The following DIDO1 variants were observed in gnomAD, a reference collection of about 807,000 sequenced individuals.
The protein encoded by DIDO1 is death inducer-obliterator 1.
In DIDO1, 16 loss-of-function variants were observed where a neutral mutation model predicts 99.4. The observed-to-expected ratio is 0.16, with a 90% CI of 0.11 to 0.24. The LOEUF (loss-of-function observed/expected upper bound fraction) is 0.24, where lower values mean the gene tolerates loss of function less well. Ranked by LOEUF, DIDO1 falls within the 10% of genes least tolerant of loss-of-function variation. The pLI is 1.00. For missense variants in DIDO1, 2,996 were observed against 3,014.0 expected, an observed-to-expected ratio of 0.99 and a Z score of 0.14; for synonymous variants, 1,366 against 1,239.1, an observed-to-expected ratio of 1.10 and a Z score of -2.15.
chr20:62,928,038 A>G (rs1423573441), upstream of DIDO1, among the ~76,000 whole-genome samples: 1 of 152,196 alleles, frequency 6.6e-6, no homozygotes, highest in African/African-American at 2.4e-5. Flanking sequence ...GCCCAGGTGA[A>G]GACCACATGA....
Position 62,882,081 on chromosome 20 carries a change from G to A in DIDO1, c.3875C>T (p.Thr1292Ile), listed in dbSNP as rs2064217565. 6.2e-7 allele frequency: 1 copy of A among 1,601,144 alleles called. No homozygotes were observed. The highest frequency in any genetic ancestry group is 1.7e-4 in the Middle Eastern group (1 of 5,946). Residue 1292 changes from threonine (T) to isoleucine (I), a missense_variant, in exon 16 of 16, where the codon ACA (threonine) becomes ATA (isoleucine). By Grantham distance (89) the Thr-to-Ile change is moderately conservative. Transcript: ENST00000395343. ...AGCTGCCGTGGAGGCTGCCGCTGCTGTTGTGGCTGCTGTGGCTGGGCTGGG... is the reference window on the plus strand; with the variant it reads ...AGCTGCCGTGGAGGCTGCCGCTGCTATTGTGGCTGCTGTGGCTGGGCTGGG... ...AAPSPATAAT[T>I]AAAASTAASS...
At chr20:62,920,111 G>A (rs2065108808) in intron 1 of DIDO1, among the ~76,000 whole-genome samples, 1 of 152,170 alleles carries the variant, frequency 6.6e-6, no homozygotes. Context: ...GGGCCCTGGT[G>A]AGGACCACAA....
At chr20:62,936,285 G>A (rs938695923) in intron 1 of DIDO1, among the ~76,000 whole-genome samples, 2 of 152,164 alleles carry the variant, frequency 1.3e-5, no homozygotes, top group African/African-American at 4.8e-5. Flanking sequence ...CGGATGCGGT[G>A]GCTCATGACT....
At chr20:62,917,877 T>C (rs750231256) in intron 1 of DIDO1, among the ~76,000 whole-genome samples, 46 of 152,224 alleles carry the variant, frequency 3.0e-4, no homozygotes, top group Admixed American at 1.2e-3. Context: ...ACTATTATTA[T>C]GCAGAAGTCA....
chr20:62,917,202 A>AT (rs113599896), intron 1 of DIDO1, among the ~76,000 whole-genome samples: 1,880 of 150,166 alleles, frequency 0.013, 37 homozygotes, highest in African/African-American at 0.043. Context: ...TAATTTTTGC[A>AT]TTTTTTTTTG....
chr20:62,930,584 A>G (rs2065323580), upstream of DIDO1, among the ~76,000 whole-genome samples: 1 of 152,244 alleles, frequency 6.6e-6, no homozygotes, highest in South Asian at 2.1e-4. Context: ...ACAAAAGAAT[A>G]AATGTGAAAT....
upstream of DIDO1, among the ~76,000 whole-genome samples, chr20:62,930,238 A>G (rs956208335): frequency 6.6e-6 from 1 of 151,870 alleles, no homozygotes; most frequent in African/African-American, 2.4e-5. Flanking sequence ...AAAAACACAG[A>G]TCTTTGTCTA....
chr20:62,887,122 T>A, intron 15 of DIDO1: 1 of 985,500 alleles, frequency 1.0e-6, no homozygotes, highest in Non-Finnish European at 1.2e-6. Context: ...CACACTAGGG[T>A]GCACTGCGCT....
intron 1 of DIDO1, among the ~76,000 whole-genome samples, chr20:62,923,605 C>T (rs1227318333): frequency 1.3e-5 from 2 of 152,236 alleles, no homozygotes; most frequent in Admixed American, 6.5e-5. Context: ...TTCACTAGTG[C>T]AAAACAGCTG....
At chr20:62,928,530 ACTATTCCTGGGAGCT>A (rs1238110092), upstream of DIDO1, 83 of 152,334 alleles carry the variant, frequency 5.4e-4, no homozygotes, top group African/African-American at 1.9e-3. Flanking sequence ...ACCTGCCGTC[ACTATTCCTGGGAGCT>A]GCCCTCCCTG....
At chr20:62,901,697 A>G (rs1321912751) in intron 6 of DIDO1, among the ~76,000 whole-genome samples, 1 of 152,130 alleles carries the variant, frequency 6.6e-6, no homozygotes, top group Non-Finnish European at 1.5e-5. Flanking sequence ...GTTTGCGGCA[A>G]ATGAAAGTTG....
chr20:62,907,318 C>T lies in DIDO1; in HGVS notation c.1203G>A (p.Gly401=), dbSNP rs751910249. 2 of 1,614,096 alleles carry T rather than the reference C, an allele frequency of 1.2e-6. No homozygotes were observed. Among genetic ancestry groups the T allele is most frequent in the Non-Finnish European group, 1.7e-6 (2 of 1,180,064 alleles). Residue 401 remains glycine, a synonymous_variant, in exon 5 of 16, where the codon GGG becomes GGA. Coordinates refer to ENST00000395343, the MANE Select transcript of DIDO1 (RefSeq NM_001193369.2). ...APGASKCIGP[G]CCHVAQPDSV... ...AGTCGGGCTGCGCCACGTGACAGCA[C>T]CCGGGGCCAATACATTTTGAGGCAC...
At chr20:62,889,997 G>A in intron 15 of DIDO1, 1 of 985,528 alleles carries the variant, frequency 1.0e-6, no homozygotes, top group Non-Finnish European at 1.2e-6. Flanking sequence ...CCCAAGATGT[G>A]GAGTGGCCCC....
Position 62,880,878 on chromosome 20 carries a change from T to C in DIDO1, c.5078A>G (p.Lys1693Arg), listed in dbSNP as rs2064189693. 6.2e-6 allele frequency: 10 copies of C among 1,612,332 alleles called. No individual in the cohort carries two copies. Among genetic ancestry groups the C allele is most frequent in the Middle Eastern group, 1.6e-4 (1 of 6,084 alleles). Reference sequence around the variant, plus strand: ...CTCATACTGGGCTGAGCCGAGAGCCTTGTCCTGCGACGCGAACCCCGGGCA... The same window carrying C: ...CTCATACTGGGCTGAGCCGAGAGCCCTGTCCTGCGACGCGAACCCCGGGCA... ...FTCPGFASQD[K>R]ALGSAQYEDP... The change falls in exon 16 of 16, where the codon AAG (lysine) becomes AGG (arginine). Residue 1693 changes from lysine (K) to arginine (R), a missense_variant. Physicochemically the swap from Lys to Arg is conservative, Grantham distance 26. Coordinates refer to ENST00000395343, the MANE Select transcript of DIDO1 (RefSeq NM_001193369.2).
Position 62,911,262 on chromosome 20 carries a change from G to T in DIDO1, c.351C>A (p.Ser117Arg). Residue 117 changes from serine (S) to arginine (R), a missense_variant, in exon 3 of 16, where the codon AGC (serine) becomes AGA (arginine). This residue lies in a region of DIDO1 where 388 missense variants were observed against 376.6 expected (regional missense o/e 1.03). Coordinates refer to ENST00000395343, the MANE Select transcript of DIDO1 (RefSeq NM_001193369.2). This position sits in a 1 kb window ranked among gnomAD's most constrained non-coding sequence, Gnocchi z 7.0. ...GGGGGCCGCTTCTGGTCTCAGAAGC[G>T]CTTTCCACGCTGCCCTCGGAGGCTG... is the stretch of plus-strand genomic sequence containing the variant. ...AETASEGSVESASETRSGPQS... is the reference protein window; with the variant it reads ...AETASEGSVERASETRSGPQS... The T allele has an allele frequency of 6.2e-7, 1 of 1,612,954 alleles. No individual in the cohort carries two copies.
At chr20:62,937,725 C>T in intron 1 of DIDO1, 1 of 397,568 alleles carries the variant, frequency 2.5e-6, no homozygotes, top group Non-Finnish European at 4.4e-6. Flanking sequence ...GGGGCGGCCG[C>T]GGACACCCGG....
chr20:62,911,202 G>A lies in DIDO1; in HGVS notation c.411C>T (p.Ala137=). ...SASTAVKERP[A]SSEKVKGGDD... ...CCCCTCCTTTCACCTTTTCAGAAGAGGCTGGTCGTTCCTTCACAGCTGTGG... is the reference window on the plus strand; with the variant it reads ...CCCCTCCTTTCACCTTTTCAGAAGAAGCTGGTCGTTCCTTCACAGCTGTGG... The change falls in exon 3 of 16, where the codon GCC becomes GCT. Residue 137 remains alanine (A), a synonymous_variant. Coordinates refer to ENST00000395343, the MANE Select transcript of DIDO1 (RefSeq NM_001193369.2). The surrounding 1 kb of genome is among the most constrained non-coding windows in gnomAD (Gnocchi z 7.0). The A allele has an allele frequency of 6.2e-7, 1 of 1,613,858 alleles. No individual in the cohort carries two copies. Among genetic ancestry groups the A allele is most frequent in the South Asian group, 1.1e-5 (1 of 91,086 alleles).
Position 62,880,008 on chromosome 20 carries a change from G to A in DIDO1, c.5948C>T (p.Ala1983Val), listed in dbSNP as rs1156679280. Residue 1983 changes from alanine to valine, a missense_variant, in exon 16 of 16, where the codon GCG becomes GTG. Physicochemically the swap from Ala to Val is moderately conservative, Grantham distance 64 (BLOSUM62 0). This residue lies in a region of DIDO1 where 1,562 missense variants were observed against 1,412.6 expected (regional missense o/e 1.11). Coordinates refer to ENST00000395343, the MANE Select transcript of DIDO1 (RefSeq NM_001193369.2). ...TCCACCAAACTGCAGGGGTGCAGGC[G>A]CCCTTTGGTTTGTGAATCTTGGTGG... Reference protein sequence around the residue: ...HSPPRFTNQRAPAPLQFGGLR... With the variant: ...HSPPRFTNQRVPAPLQFGGLR... 2 of 1,611,900 alleles carry A rather than the reference G, an allele frequency of 1.2e-6. No homozygotes were observed. Among genetic ancestry groups the A allele is most frequent in the Admixed American group, 1.7e-5 (1 of 60,022 alleles).
rs532661021 is a variant in DIDO1, at chr20:62,932,888, G to A, written c.-200+4908C>T. 6.6e-5 allele frequency among the ~76,000 whole-genome samples: 10 copies of A among 152,248 alleles called. No homozygotes were observed. The South Asian group carries it at 2.1e-3, about 32-fold the overall frequency. On this transcript the variant is annotated intron_variant, in intron 1 of 15. Transcript: ENST00000266070. Reference sequence around the variant, plus strand: ...AATCACCAGTGAAGATTCTTTACAGGGTCTGGGTTCACCAGACACATGGTG... The same window carrying A: ...AATCACCAGTGAAGATTCTTTACAGAGTCTGGGTTCACCAGACACATGGTG...
Sources: gnomAD v4.1 joint callset for allele counts (sites outside exome capture counted in the v4.1 genomes callset) on GRCh38, gnomAD v4.1.1 for gene constraint, gnomAD v4.1.1 regional missense constraint, Gnocchi (gnomAD v3.1) non-coding constraint, MANE v1.5 for transcripts, NCBI Gene and HGNC (gene_info 2026-07-23, HGNC 2026-07-21) for gene names.